The following CLEC2A variants were observed in gnomAD, a reference collection of about 807,000 sequenced individuals.
CLEC2A encodes the protein C-type lectin domain family 2 member A, also known as keratinocyte-associated C-type lectin.
In CLEC2A, 19 loss-of-function variants were observed where a neutral mutation model predicts 18.6. The ratio of observed to expected loss-of-function variants is 1.02; its 90% confidence interval spans 0.71 to 1.50. The LOEUF (loss-of-function observed/expected upper bound fraction) is 1.50. CLEC2A is among the 40% of genes most tolerant of loss of function. CLEC2A has a pLI of 0.00. For synonymous variants in CLEC2A, 74 were observed against 64.0 expected, an observed-to-expected ratio of 1.16 and a Z score of -0.75; for missense variants, 190 against 207.9, an observed-to-expected ratio of 0.91 and a Z score of 0.53.
At chr12:9,911,018 A>G (rs775555830), downstream of CLEC2A, among the ~76,000 whole-genome samples, 1 of 152,252 alleles carries the variant, frequency 6.6e-6, no homozygotes, top group Non-Finnish European at 1.5e-5. Flanking sequence ...TGCATCAGCC[A>G]TGCAGCACAC....
chr12:9,911,064 C>T (rs7963547), downstream of CLEC2A, among the ~76,000 whole-genome samples: 12,285 of 152,188 alleles, frequency 0.081, 909 homozygotes, highest in East Asian at 0.38. Flanking sequence ...ATTCCTAACA[C>T]GGTCCCTGCT....
rs1863390348 is a variant in CLEC2A at position 9,932,359 on chromosome 12, G to A, written c.-30C>T. The A allele has an allele frequency of 6.4e-7, 1 of 1,551,172 alleles. No homozygotes were observed. The highest frequency in any genetic ancestry group is 2.0e-5 in the Admixed American group (1 of 50,940). ...AGGCGCTAACCGATGGAGATCAGTA[G>A]GAGAGGACTAGAAAGCTTTTCATGT... is the stretch of plus-strand genomic sequence containing the variant. On this transcript the variant is annotated 5_prime_UTR_variant, in exon 1 of 5. Coordinates refer to ENST00000455827, the MANE Select transcript of CLEC2A (RefSeq NM_001130711.2).
At chr12:9,893,999 C>T (rs1862720287), downstream of CLEC2A, among the ~76,000 whole-genome samples, 1 of 152,046 alleles carries the variant, frequency 6.6e-6, no homozygotes, top group Non-Finnish European at 1.5e-5. Flanking sequence ...TTCAACTAAA[C>T]TTGTTGATAT....
chr12:9,881,479 C>A, the CLEC2A span: 1 of 696,620 alleles, frequency 1.4e-6, no homozygotes. Context: ...CTATTTTTGG[C>A]CTTCCTTTTA....
At chr12:9,916,163 C>T (rs896127404) in intron 4 of CLEC2A, among the ~76,000 whole-genome samples, 5 of 151,584 alleles carry the variant, frequency 3.3e-5, no homozygotes, top group African/African-American at 1.2e-4. Context: ...CCATTTTAAC[C>T]CAAGAAACAC....
intron 1 of CLEC2A, among the ~76,000 whole-genome samples, chr12:9,926,672 CA>C (rs1863277981): frequency 6.6e-6 from 1 of 151,904 alleles, no homozygotes. Context: ...TAAAGATCAT[CA>C]AAAGGTCCAC....
chr12:9,903,408 A>G (rs1862863784), intron 4 of CLEC2A, among the ~76,000 whole-genome samples: 1 of 152,226 alleles, frequency 6.6e-6, no homozygotes, highest in African/African-American at 2.4e-5. Flanking sequence ...GATTGAGGAC[A>G]TAAGTCCTTC....
the CLEC2A span, among the ~76,000 whole-genome samples, chr12:9,887,901 CA>C: frequency 6.6e-6 from 1 of 150,740 alleles, no homozygotes; most frequent in Non-Finnish European, 1.5e-5. Flanking sequence ...AAAAAATACA[CA>C]AAAATTAGCT....
exon 5 of CLEC2A, chr12:9,898,885 T>C: frequency 1.4e-6 from 1 of 712,468 alleles, no homozygotes; most frequent in Non-Finnish European, 2.6e-6. Context: ...GAAACGGCAG[T>C]CAGAGCTCCC....
chr12:9,908,849 T>G (rs1190542472), downstream of CLEC2A, among the ~76,000 whole-genome samples: 2 of 152,202 alleles, frequency 1.3e-5, no homozygotes, highest in African/African-American at 4.8e-5. Flanking sequence ...AAATGGAGGT[T>G]TGGGTCATTT....
downstream of CLEC2A, among the ~76,000 whole-genome samples, chr12:9,910,271 A>C (rs1565529300): frequency 6.6e-6 from 1 of 152,140 alleles, no homozygotes; most frequent in East Asian, 1.9e-4. Flanking sequence ...ATCAGGAGGA[A>C]TTTCATCATC....
chr12:9,930,539 C>G (rs1160535562), intron 1 of CLEC2A, among the ~76,000 whole-genome samples: 1 of 151,986 alleles, frequency 6.6e-6, no homozygotes, highest in Non-Finnish European at 1.5e-5. Context: ...CTCATTTCTT[C>G]TCTTTTTCAC....
the CLEC2A span, among the ~76,000 whole-genome samples, chr12:9,886,328 A>G: frequency 2.6e-5 from 4 of 152,198 alleles, no homozygotes; most frequent in African/African-American, 9.6e-5. Context: ...TCTCCCAATA[A>G]TCTATCCATA....
intron 2 of CLEC2A, among the ~76,000 whole-genome samples, chr12:9,922,920 T>C (rs1287930325): frequency 6.6e-6 from 1 of 151,900 alleles, no homozygotes; most frequent in Non-Finnish European, 1.5e-5. Context: ...TCCACCATGA[T>C]TTATTATTAT....
At chr12:9,930,906 T>C (rs553230146) in intron 1 of CLEC2A, among the ~76,000 whole-genome samples, 1 of 152,126 alleles carries the variant, frequency 6.6e-6, no homozygotes, top group Non-Finnish European at 1.5e-5. Context: ...TCCATTCTAT[T>C]AATTAACTCC....
chr12:9,911,999 A>C (rs1280772150), downstream of CLEC2A, among the ~76,000 whole-genome samples: 1 of 152,188 alleles, frequency 6.6e-6, no homozygotes, highest in African/African-American at 2.4e-5. Flanking sequence ...GACTAGCCCC[A>C]CAAATCCTTT....
chr12:9,914,639 G>A (rs908321913), intron 4 of CLEC2A, among the ~76,000 whole-genome samples: 4 of 152,114 alleles, frequency 2.6e-5, no homozygotes, highest in South Asian at 2.1e-4. Context: ...AATAAATGGC[G>A]CTGGGAAAAC....
chr12:9,907,681 CAT>C (rs1457996607), intron 4 of CLEC2A, among the ~76,000 whole-genome samples: 1 of 152,114 alleles, frequency 6.6e-6, no homozygotes, highest in Non-Finnish European at 1.5e-5. Flanking sequence ...TTGGAGCAGA[CAT>C]ATGTGTTTTG....
At chr12:9,885,026 T>G in the CLEC2A span, 2 of 1,254,070 alleles carry the variant, frequency 1.6e-6, no homozygotes, top group Non-Finnish European at 2.0e-6. Flanking sequence ...TGACCTGAAG[T>G]TCTGGCGTGA....
Sources: gnomAD v4.1 joint callset for allele counts (sites outside exome capture counted in the v4.1 genomes callset) on GRCh38, gnomAD v4.1.1 for gene constraint, MANE v1.5 for transcripts, NCBI Gene and HGNC (gene_info 2026-07-23, HGNC 2026-07-21) for gene names.